OSBPL3: variants seen among roughly 807,000 people sequenced by gnomAD.
OSBPL3 encodes the protein oxysterol-binding protein-related protein 3.
Under a neutral mutation model 120.1 loss-of-function variants are expected in OSBPL3, and 65 were observed. That is an observed-to-expected ratio of 0.54 (90% CI 0.44 to 0.67). The LOEUF is 0.67. Among genes scored for constraint, OSBPL3 ranks in the 30% least tolerant of loss-of-function variants. OSBPL3 has a pLI of 0.00. For missense variants in OSBPL3, 1,004 were observed against 1,082.1 expected, an observed-to-expected ratio of 0.93 and a Z score of 1.01; for synonymous variants, 416 against 402.6, an observed-to-expected ratio of 1.03 and a Z score of -0.40.
chr7:24,971,072 C>T (rs1024028585), intron 1 of OSBPL3, among the ~76,000 whole-genome samples: 3 of 152,258 alleles, frequency 2.0e-5, no homozygotes, highest in Non-Finnish European at 2.9e-5. Context: ...CCCTGTCCAG[C>T]TCAAAGAGGC....
intron 1 of OSBPL3, among the ~76,000 whole-genome samples, chr7:24,977,507 T>G (rs1394220228): frequency 6.6e-6 from 1 of 152,208 alleles, no homozygotes; most frequent in East Asian, 1.9e-4. Context: ...CGTTTTCCAA[T>G]TCTTCACCTG....
intron 1 of OSBPL3, among the ~76,000 whole-genome samples, chr7:24,927,136 C>A (rs115): frequency 0.48 from 72,971 of 151,992 alleles, 18,343 homozygotes; most frequent in African/African-American, 0.63. Flanking sequence ...CATTGTATGT[C>A]TGGAACTCAT....
rs1447123480 is a variant in OSBPL3, at chr7:24,849,925, G to A, written c.1159-749C>T. Among the ~76,000 whole-genome samples, 1 of 149,714 alleles carries A rather than the reference G, an allele frequency of 6.7e-6. No individual in the cohort carries two copies. Among genetic ancestry groups the A allele is most frequent in the African/African-American group, 2.5e-5 (1 of 40,632 alleles). On this transcript the variant is annotated intron_variant, in intron 11 of 22. Coordinates refer to ENST00000313367, the MANE Select transcript of OSBPL3 (RefSeq NM_015550.4). This position sits in a 1 kb window ranked among gnomAD's most constrained non-coding sequence, Gnocchi z 5.4. ...AGCGAGCTGAGATTGCGGCCTGGGT[G>A]AGAGTGAGACCCTGTCTCACGAAAA... is the stretch of plus-strand genomic sequence containing the variant.
Position 24,937,363 on chromosome 7 carries a change from T to C in OSBPL3, c.-150+42523A>G, listed in dbSNP as rs1812550494. 6.6e-6 allele frequency among the ~76,000 whole-genome samples: 1 copy of C among 152,188 alleles called. No individual in the cohort carries two copies. Among genetic ancestry groups the C allele is most frequent in the Non-Finnish European group, 1.5e-5 (1 of 68,034 alleles). ...AACACAGCCAAACCATATCAGTAAA[T>C]TTTTATTTCAATTGTTTAACTATTA... On this transcript the variant is annotated intron_variant, in intron 1 of 22. Transcript: ENST00000313367. This position sits in a 1 kb window ranked among gnomAD's most constrained non-coding sequence, Gnocchi z 4.0.
Position 24,852,331 on chromosome 7 carries a change from G to A in OSBPL3, c.1158+173C>T, listed in dbSNP as rs1441740617. Among the ~76,000 whole-genome samples, 1 of 152,170 alleles carries A rather than the reference G, an allele frequency of 6.6e-6. No homozygotes were observed. Among genetic ancestry groups the A allele is most frequent in the African/African-American group, 2.4e-5 (1 of 41,438 alleles). ...AATAAAATACTAGCTATTAAGACTT[G>A]GATAGGTAAGTTTTGGTGTTTCAAA... On this transcript the variant is annotated intron_variant, in intron 11 of 22. Coordinates refer to ENST00000313367, the MANE Select transcript of OSBPL3 (RefSeq NM_015550.4). This position sits in a 1 kb window ranked among gnomAD's most constrained non-coding sequence, Gnocchi z 4.1.
chr7:24,920,195 C>T (rs550741577), intron 1 of OSBPL3, among the ~76,000 whole-genome samples: 2 of 152,064 alleles, frequency 1.3e-5, no homozygotes, highest in African/African-American at 2.4e-5. Flanking sequence ...TATTCAGGAA[C>T]GTTCATAGTA....
intron 2 of OSBPL3, among the ~76,000 whole-genome samples, chr7:24,884,447 C>A (rs571683137): frequency 1.6e-4 from 24 of 152,278 alleles, no homozygotes; most frequent in Admixed American, 6.5e-4. Context: ...ATATTATGAG[C>A]TGTGAAGATG....
rs2106943 is a variant in OSBPL3 at position 24,818,364 on chromosome 7, A to C, written c.1949-1676T>G. ...TGTTACCAAGAGAAAAAAAAGATAG[A>C]TGGCTGTTTAAAGCTAAAGTATTAA... is the stretch of plus-strand genomic sequence containing the variant. On this transcript the variant is annotated intron_variant, in intron 17 of 22. Coordinates refer to ENST00000313367, the MANE Select transcript of OSBPL3 (RefSeq NM_015550.4). The surrounding 1 kb of genome is among the most constrained non-coding windows in gnomAD (Gnocchi z 4.0). Among the ~76,000 whole-genome samples, 79,567 of 151,960 alleles carry C rather than the reference A, an allele frequency of 0.52. 21,735 individuals are homozygous for C. The highest frequency in any genetic ancestry group is 0.58 in the African/African-American group (23,919 of 41,406).
rs1371677874 is a variant in OSBPL3 at position 24,851,729 on chromosome 7, A to G, written c.1158+775T>C. Among the ~76,000 whole-genome samples the G allele has an allele frequency of 7.3e-6, 1 of 136,356 alleles. No individual in the cohort carries two copies. Among genetic ancestry groups the G allele is most frequent in the African/African-American group, 2.6e-5 (1 of 38,768 alleles). 89.5% of individuals were successfully genotyped at this position (136,356 alleles called of 152,430 possible). On this transcript the variant is annotated intron_variant, in intron 11 of 22. Coordinates refer to ENST00000313367, the MANE Select transcript of OSBPL3 (RefSeq NM_015550.4). This position sits in a 1 kb window ranked among gnomAD's most constrained non-coding sequence, Gnocchi z 4.1. Reference sequence around the variant, plus strand: ...AGTTCTCTAGCCTCCTGATAGATTCAGGGTAAAAAAAAAAAAACGAGATAA... The same window carrying G: ...AGTTCTCTAGCCTCCTGATAGATTCGGGGTAAAAAAAAAAAAACGAGATAA...
At chr7:24,876,669 A>G (rs1802893117) in intron 2 of OSBPL3, among the ~76,000 whole-genome samples, 1 of 152,202 alleles carries the variant, frequency 6.6e-6, no homozygotes, top group South Asian at 2.1e-4. Context: ...CTGTATCCAC[A>G]ATTCTGTACA....
At chr7:24,839,945 T>C (rs920586934) in intron 14 of OSBPL3, among the ~76,000 whole-genome samples, 2 of 119,986 alleles carry the variant, frequency 1.7e-5, no homozygotes, top group Non-Finnish European at 3.2e-5. Flanking sequence ...GAGCTAAGAC[T>C]GCACCATTGT....
At chr7:24,860,893 T>C (rs1800439856) in intron 10 of OSBPL3, among the ~76,000 whole-genome samples, 1 of 152,198 alleles carries the variant, frequency 6.6e-6, no homozygotes, top group Admixed American at 6.5e-5. Context: ...TGAACATGGG[T>C]ATAGATTTGT....
chr7:24,976,759 T>C (rs1310065671), intron 1 of OSBPL3, among the ~76,000 whole-genome samples: 2 of 152,116 alleles, frequency 1.3e-5, no homozygotes, highest in Non-Finnish European at 2.9e-5. Context: ...ACTACTGAAA[T>C]AGAATTAACA....
In OSBPL3 at chr7:24,898,245, T is replaced by G. The variant is rs929826562; in HGVS notation, c.-149-5624A>C. 6.6e-6 allele frequency among the ~76,000 whole-genome samples: 1 copy of G among 152,156 alleles called. No individual in the cohort carries two copies. The highest frequency in any genetic ancestry group is 2.4e-5 in the African/African-American group (1 of 41,428). On this transcript the variant is annotated intron_variant, in intron 1 of 22. Coordinates refer to ENST00000313367, the MANE Select transcript of OSBPL3 (RefSeq NM_015550.4). This position sits in a 1 kb window ranked among gnomAD's most constrained non-coding sequence, Gnocchi z 4.3. ...CTGGAAGCAGGTTCTAATCACAACTTCAGATACCGATCGGTGATCCCGGAC... is the reference window on the plus strand; with the variant it reads ...CTGGAAGCAGGTTCTAATCACAACTGCAGATACCGATCGGTGATCCCGGAC...
intron 2 of OSBPL3, among the ~76,000 whole-genome samples, chr7:24,875,104 T>TGCCATTA (rs1258007631): frequency 2.0e-5 from 3 of 152,224 alleles, no homozygotes. Context: ...CTTCCCAAAG[T>TGCCATTA]GCCATTAGCC....
rs1563017923 is a variant in OSBPL3 at position 24,964,874 on chromosome 7, T to C, written c.-150+15012A>G. On this transcript the variant is annotated intron_variant, in intron 1 of 22. Transcript: ENST00000313367. The surrounding 1 kb of genome is among the most constrained non-coding windows in gnomAD (Gnocchi z 4.2). The stretch of plus-strand genomic sequence containing the variant: ...AGTTGTTTTGTGTTGGGGGCTGTGA[T>C]TAAAATAAGTAAAGTTGGACAAACA... Among the ~76,000 whole-genome samples the C allele has an allele frequency of 2.0e-5, 3 of 152,254 alleles. No individual in the cohort carries two copies. The South Asian group carries it at 6.2e-4, about 32-fold the overall frequency.
chr7:24,865,962 T>A, intron 6 of OSBPL3, 108 bp downstream of exon 6: 38 of 789,100 alleles, frequency 4.8e-5, no homozygotes, highest in Middle Eastern at 2.4e-4. Context: ...AAGCCTACCC[T>A]GCTTGTCCCC....
At chr7:24,875,995 T>C (rs959623992) in intron 2 of OSBPL3, among the ~76,000 whole-genome samples, 3 of 152,188 alleles carry the variant, frequency 2.0e-5, no homozygotes, top group Non-Finnish European at 4.4e-5. Flanking sequence ...AAGGCTTTAA[T>C]ATTTTCTTGT....
intron 10 of OSBPL3, among the ~76,000 whole-genome samples, chr7:24,853,852 A>G (rs184000314): frequency 6.6e-6 from 1 of 152,300 alleles, no homozygotes; most frequent in East Asian, 1.9e-4. Flanking sequence ...TAATTCTTGC[A>G]ACTTTTCTGT....
Sources: gnomAD v4.1 joint callset for allele counts (sites outside exome capture counted in the v4.1 genomes callset) on GRCh38, gnomAD v4.1.1 for gene constraint, Gnocchi (gnomAD v3.1) non-coding constraint, MANE v1.5 for transcripts, NCBI Gene and HGNC (gene_info 2026-07-23, HGNC 2026-07-21) for gene names.